Variants in PARD3 observed in about 807,000 individuals in gnomAD.
The protein encoded by PARD3 is par-3 family cell polarity regulator.
A neutral mutation model predicts 155.4 loss-of-function variants in PARD3; 75 were observed. The ratio of observed to expected loss-of-function variants is 0.48; its 90% confidence interval spans 0.40 to 0.58. The LOEUF is 0.58. Among genes scored for constraint, PARD3 ranks in the 20% least tolerant of loss-of-function variants. PARD3 has a pLI of 0.00. For synonymous variants in PARD3, 576 were observed against 610.5 expected (o/e 0.94, Z 0.83); for missense variants, 1,642 against 1,721.7 (o/e 0.95, Z 0.82).
chr10:34,196,747 G>A (rs773531002), intron 22 of PARD3, among the ~76,000 whole-genome samples: 32 of 151,508 alleles, frequency 2.1e-4, no homozygotes, highest in Non-Finnish European at 4.1e-4. Flanking sequence ...CTAATTTTCT[G>A]TATTTTTAGT....
chr10:34,491,104 C>G (rs982645145), intron 3 of PARD3, among the ~76,000 whole-genome samples: 5 of 152,174 alleles, frequency 3.3e-5, no homozygotes, highest in African/African-American at 4.8e-5. Context: ...AGTCCCCAGA[C>G]GATGGAGTCA....
At chr10:34,623,979 CAAAA>C (rs767945506) in intron 2 of PARD3, among the ~76,000 whole-genome samples, 1 of 120,392 alleles carries the variant, frequency 8.3e-6, no homozygotes, top group South Asian at 2.7e-4. Flanking sequence ...GACTCCGTCT[CAAAA>C]AAAAAAAAAA....
chr10:34,176,631 GC>G (rs1950044580), intron 22 of PARD3, among the ~76,000 whole-genome samples: 1 of 152,138 alleles, frequency 6.6e-6, no homozygotes, highest in Non-Finnish European at 1.5e-5. Context: ...CGGATCTCAG[GC>G]TTGCCAATCA....
At chr10:34,480,447 A>G (rs1278611974) in intron 3 of PARD3, among the ~76,000 whole-genome samples, 1 of 152,196 alleles carries the variant, frequency 6.6e-6, no homozygotes, top group Non-Finnish European at 1.5e-5. Context: ...AGTGTGGCCC[A>G]GGCTGGTCAC....
At chr10:34,615,723 G>A (rs537436079) in intron 2 of PARD3, among the ~76,000 whole-genome samples, 2 of 152,118 alleles carry the variant, frequency 1.3e-5, no homozygotes, top group South Asian at 2.1e-4. Context: ...TAAAATATAC[G>A]ATATATAAGA....
At chr10:34,288,160 A>C (rs1343681830) in intron 20 of PARD3, among the ~76,000 whole-genome samples, 1 of 152,140 alleles carries the variant, frequency 6.6e-6, no homozygotes, top group Non-Finnish European at 1.5e-5. Flanking sequence ...GCAGTGATCC[A>C]TGATTGTGCC....
intron 1 of PARD3, 40 bp downstream of exon 1, chr10:34,814,832 TCCCC>T: frequency 1.0e-4 from 124 of 1,202,124 alleles, no homozygotes; most frequent in Non-Finnish European, 1.3e-4. Flanking sequence ...CCCGGCGCCG[TCCCC>T]GCCGCCGCCC....
Position 34,269,680 on chromosome 10 carries a change from A to G in PARD3, c.3396T>C (p.Asn1132=), listed in dbSNP as rs747149078. The part of the protein sequence containing the change: ...ALYAQVKKPR[N]SKPSPVDSNR... ...ACCTGTCTACAGGTGAGGGTTTGGAATTCCGCGGCTTCTTGACTTGGGCAT... is the reference window on the plus strand; with the variant it reads ...ACCTGTCTACAGGTGAGGGTTTGGAGTTCCGCGGCTTCTTGACTTGGGCAT... Residue 1132 remains asparagine (N), a synonymous_variant, in exon 22 of 25, where the codon AAT becomes AAC. Coordinates refer to ENST00000374788, the MANE Select transcript of PARD3 (RefSeq NM_001184785.2). 1 of 1,614,026 alleles carries G rather than the reference A, an allele frequency of 6.2e-7. No homozygotes were observed. The highest frequency in any genetic ancestry group is 1.7e-5 in the Admixed American group (1 of 59,994).
chr10:34,727,224 G>A (rs939318176), intron 1 of PARD3, among the ~76,000 whole-genome samples: 1 of 152,194 alleles, frequency 6.6e-6, no homozygotes. Context: ...GGATGAGTGG[G>A]TGCCTGCAAG....
intron 2 of PARD3, among the ~76,000 whole-genome samples, chr10:34,694,684 A>C (rs540293808): frequency 4.6e-5 from 7 of 151,810 alleles, no homozygotes; most frequent in Admixed American, 6.6e-5. Flanking sequence ...GTTAGCCAGG[A>C]TCTGCATTTT....
chr10:34,789,867 T>A (rs996540118), intron 1 of PARD3, among the ~76,000 whole-genome samples: 3 of 152,254 alleles, frequency 2.0e-5, no homozygotes, highest in Non-Finnish European at 1.5e-5. Flanking sequence ...CCACATTTCC[T>A]ACAATAAGTA....
chr10:34,792,294 C>T (rs867816840), intron 1 of PARD3, among the ~76,000 whole-genome samples: 4 of 152,036 alleles, frequency 2.6e-5, no homozygotes, highest in Admixed American at 1.3e-4. Flanking sequence ...TGTGTTGCCC[C>T]GGCAGGTCTC....
chr10:34,327,554 G>A (rs1835159507), intron 19 of PARD3, among the ~76,000 whole-genome samples: 1 of 152,190 alleles, frequency 6.6e-6, no homozygotes, highest in Admixed American at 6.5e-5. Context: ...CTACGCCTAT[G>A]TGTCTTACTT....
chr10:34,382,457 T>C (rs751074800), intron 9 of PARD3, 83 bp downstream of exon 9: 41 of 1,457,148 alleles, frequency 2.8e-5, no homozygotes, highest in African/African-American at 5.7e-5. Flanking sequence ...GTAGGTTGAC[T>C]TTTAAAATAA....
At position 34,802,760 on chromosome 10, in the gene PARD3, TAAAAC is replaced by T. The variant is rs200735492; in HGVS notation, c.120+12111_120+12115del. 7.6e-3 allele frequency among the ~76,000 whole-genome samples: 1,157 copies of T among 152,176 alleles called. 16 individuals carry two copies. Among genetic ancestry groups the T allele is most frequent in the African/African-American group, 0.026 (1,078 of 41,502 alleles). ...TGGTGAAGTTCTAATGAGGATGAGATAAAACAATTTAGAAAAGCCTATTCTAGTGA... is the reference window on the plus strand; with the variant it reads ...TGGTGAAGTTCTAATGAGGATGAGATAATTTAGAAAAGCCTATTCTAGTGA... On this transcript the variant is annotated intron_variant, in intron 1 of 24. Coordinates refer to ENST00000374788, the MANE Select transcript of PARD3 (RefSeq NM_001184785.2).
intron 3 of PARD3, among the ~76,000 whole-genome samples, chr10:34,481,266 T>C (rs2133204915): frequency 6.6e-6 from 1 of 152,198 alleles, no homozygotes; most frequent in South Asian, 2.1e-4. Flanking sequence ...CTCTCCACCC[T>C]CATGTAGGCC....
intron 2 of PARD3, among the ~76,000 whole-genome samples, chr10:34,532,886 G>C (rs1168302209): frequency 6.6e-6 from 1 of 152,162 alleles, no homozygotes; most frequent in Non-Finnish European, 1.5e-5. Flanking sequence ...ATTCTGGTTA[G>C]GTGATTTCAT....
intron 5 of PARD3, among the ~76,000 whole-genome samples, chr10:34,427,497 G>A (rs1381037274): frequency 1.3e-5 from 2 of 152,180 alleles, no homozygotes; most frequent in African/African-American, 4.8e-5. Context: ...CTGTTAAGAT[G>A]TTTATCAATG....
At chr10:34,444,887 C>A (rs917025803) in intron 5 of PARD3, among the ~76,000 whole-genome samples, 3 of 152,188 alleles carry the variant, frequency 2.0e-5, no homozygotes, top group African/African-American at 4.8e-5. Context: ...AAGGTCATAA[C>A]TGCCTTCAGA....
Sources: allele counts gnomAD v4.1 joint callset (sites outside exome capture counted in the v4.1 genomes callset), GRCh38; gene constraint gnomAD v4.1.1; transcripts MANE v1.5; gene names NCBI Gene and HGNC (gene_info 2026-07-23, HGNC 2026-07-21).